KPNA7: variants seen among roughly 807,000 people sequenced by gnomAD.
KPNA7 encodes the protein karyopherin subunit alpha 7.
Under a neutral mutation model 53.7 loss-of-function variants are expected in KPNA7, and 54 were observed. The ratio of observed to expected loss-of-function variants is 1.01; its 90% CI spans 0.81 to 1.26. KPNA7 has a LOEUF of 1.26. KPNA7 is among the 50% of genes most tolerant of loss of function. KPNA7 has a pLI of 0.00. For synonymous variants in KPNA7, 276 were observed against 259.3 expected, an observed-to-expected ratio of 1.06 and a Z score of -0.62; for missense variants, 640 against 644.5, an observed-to-expected ratio of 0.99 and a Z score of 0.07.
chr7:99,198,330 A>C (rs886813064), intron 3 of KPNA7, among the ~76,000 whole-genome samples: 2 of 152,206 alleles, frequency 1.3e-5, no homozygotes, highest in Non-Finnish European at 2.9e-5. Flanking sequence ...TTACAAGAAA[A>C]GTATAAGCTA....
In KPNA7 at chr7:99,195,212, G is replaced by A. The variant is rs61751722; in HGVS notation, c.411C>T (p.Ala137=). The change falls in exon 5 of 11, where the codon GCC becomes GCT. Residue 137 remains alanine (A), a synonymous_variant. Coordinates refer to ENST00000327442, the MANE Select transcript of KPNA7 (RefSeq NM_001145715.3). ...YPCLQFEAAW[A]LTNIASGTSE... is the part of the protein sequence containing the mutation. Reference sequence around the variant, plus strand: ...AAGTCCCTGAAGCGATGTTGGTCAGGGCCCAGGCAGCCTCAAACTGCAAGC... The same window carrying A: ...AAGTCCCTGAAGCGATGTTGGTCAGAGCCCAGGCAGCCTCAAACTGCAAGC... The A allele has an allele frequency of 0.089, 138,526 of 1,551,470 alleles. 6,694 individuals carry two copies. The highest frequency in any genetic ancestry group is 0.17 in the East Asian group (6,999 of 40,890).
chr7:99,219,246 G>A (rs1440066199), intron 1 of KPNA7, among the ~76,000 whole-genome samples: 2 of 152,190 alleles, frequency 1.3e-5, no homozygotes, highest in Non-Finnish European at 2.9e-5. Flanking sequence ...AGGCCCTTGA[G>A]TAAACCATCA....
At chr7:99,204,308 G>A (rs1213518682) in intron 2 of KPNA7, among the ~76,000 whole-genome samples, 1 of 151,914 alleles carries the variant, frequency 6.6e-6, no homozygotes, top group Non-Finnish European at 1.5e-5. Flanking sequence ...GGAGGTCTAG[G>A]CTGCAGTGAG....
At chr7:99,174,398 T>C (rs1243324550) in intron 10 of KPNA7, among the ~76,000 whole-genome samples, 1 of 152,184 alleles carries the variant, frequency 6.6e-6, no homozygotes, top group Non-Finnish European at 1.5e-5. Context: ...TGTAGTAATA[T>C]AAAGTGCACA....
At chr7:99,207,653 T>TGA (rs1790889619) in intron 1 of KPNA7, 164 bp from the exon 2 acceptor site, 1 of 381,186 alleles carries the variant, frequency 2.6e-6, no homozygotes, top group Non-Finnish European at 4.5e-6. Flanking sequence ...TTTTTTTTTT[T>TGA]GAGACAGAGT....
downstream of KPNA7, among the ~76,000 whole-genome samples, chr7:99,168,636 A>AT (rs1798717408): frequency 6.6e-6 from 1 of 152,058 alleles, no homozygotes; most frequent in African/African-American, 2.4e-5. Flanking sequence ...TCAGGCTCCC[A>AT]AGCAGCTAGG....
intron 3 of KPNA7, among the ~76,000 whole-genome samples, chr7:99,197,073 C>G (rs890603546): frequency 2.2e-4 from 34 of 152,256 alleles, no homozygotes; most frequent in African/African-American, 6.0e-4. Flanking sequence ...CTCAGCTCTT[C>G]CCTCTCACTG....
chr7:99,167,337 C>CAGCAGGAGGTG, the KPNA7 span, among the ~76,000 whole-genome samples: 6 of 152,198 alleles, frequency 3.9e-5, no homozygotes, highest in Non-Finnish European at 5.9e-5. Flanking sequence ...CCGGGCCACC[C>CAGCAGGAGGTG]AGCAGGAGGT....
upstream of KPNA7, among the ~76,000 whole-genome samples, chr7:99,210,849 G>A (rs1418036031): frequency 2.0e-5 from 3 of 151,930 alleles, no homozygotes; most frequent in African/African-American, 4.8e-5. Flanking sequence ...GCCTCCCAAA[G>A]CATTGGGATT....
At chr7:99,207,301 G>A (rs1790863129) in intron 2 of KPNA7, 100 bp downstream of exon 2, 2 of 926,798 alleles carry the variant, frequency 2.2e-6, no homozygotes, top group African/African-American at 1.6e-5. Context: ...TCAAAGTGTT[G>A]GGATTACAGG....
intron 6 of KPNA7, among the ~76,000 whole-genome samples, chr7:99,190,623 G>A (rs1213603105): frequency 2.0e-5 from 3 of 151,192 alleles, no homozygotes; most frequent in Non-Finnish European, 4.4e-5. Context: ...CAGACAGTAT[G>A]TAAATGAGTG....
chr7:99,183,342 T>A (rs988165154), intron 8 of KPNA7, among the ~76,000 whole-genome samples: 7 of 152,178 alleles, frequency 4.6e-5, no homozygotes, highest in African/African-American at 1.7e-4. Flanking sequence ...TATTCTTCTA[T>A]TCCTGGGTAG....
At chr7:99,186,489 C>A (rs983368532) in intron 7 of KPNA7, among the ~76,000 whole-genome samples, 1 of 152,068 alleles carries the variant, frequency 6.6e-6, no homozygotes, top group Non-Finnish European at 1.5e-5. Context: ...AGAGAATTTA[C>A]TTCTCCACTT....
the KPNA7 span, among the ~76,000 whole-genome samples, chr7:99,165,690 T>C: frequency 6.6e-6 from 1 of 152,226 alleles, no homozygotes; most frequent in Non-Finnish European, 1.5e-5. Flanking sequence ...GTGACACTTC[T>C]GAGCCAAAAT....
At position 99,181,083 on chromosome 7, in the gene KPNA7, C is replaced by CTCTCTCTCTCTCCGTCTGTG. The variant is rs1799231535; in HGVS notation, c.1317+780_1317+799dup. On this transcript the variant is annotated intron_variant, in intron 9 of 10. Transcript: ENST00000327442. ...TGTGTCTCTCTCTCCATCTGTGTCT[C>CTCTCTCTCTCTCCGTCTGTG]TCTCTCTCTCTCCGTCTGTGTCTCT... Among the ~76,000 whole-genome samples the CTCTCTCTCTCTCCGTCTGTG allele has an allele frequency of 2.3e-5, 2 of 88,754 alleles. 1 individual carries two copies. The highest frequency in any genetic ancestry group is 2.3e-4 in the Admixed American group (2 of 8,722). 58.2% of individuals were successfully genotyped at this position (88,754 alleles called of 152,430 possible). A position where few individuals can be genotyped will look rare whatever the true frequency, so the allele number is the denominator to read the frequency against.
chr7:99,205,809 CTG>C (rs1790783136), intron 2 of KPNA7, among the ~76,000 whole-genome samples: 2 of 152,220 alleles, frequency 1.3e-5, no homozygotes, highest in Non-Finnish European at 2.9e-5. Flanking sequence ...CAAGATCACA[CTG>C]CTGCACTCCA....
intron 8 of KPNA7, among the ~76,000 whole-genome samples, chr7:99,182,331 G>A (rs1789300122): frequency 2.0e-5 from 3 of 152,138 alleles, no homozygotes; most frequent in Non-Finnish European, 2.9e-5. Flanking sequence ...CTGAGTAGCT[G>A]GGACTACAGG....
intron 10 of KPNA7, among the ~76,000 whole-genome samples, chr7:99,175,400 A>C (rs960795611): frequency 6.6e-6 from 1 of 151,636 alleles, no homozygotes; most frequent in Admixed American, 6.6e-5. Flanking sequence ...CTGGTCTCGG[A>C]GCTCCTGGAC....
intron 10 of KPNA7, among the ~76,000 whole-genome samples, chr7:99,174,068 A>C (rs1798821805): frequency 6.6e-6 from 1 of 152,174 alleles, no homozygotes; most frequent in South Asian, 2.1e-4. Context: ...GCCACACAGC[A>C]GAAGGTGAGC....
Sources: gnomAD v4.1 joint callset for allele counts (sites outside exome capture counted in the v4.1 genomes callset) on GRCh38, gnomAD v4.1.1 for gene constraint, MANE v1.5 for transcripts, NCBI Gene and HGNC (gene_info 2026-07-23, HGNC 2026-07-21) for gene names.